The following BEST3 variants were observed in gnomAD, a reference collection of about 807,000 sequenced individuals.
BEST3 encodes bestrophin 3, also known as bestrophin-3.
BEST3 carries 50 observed loss-of-function variants against 47.1 expected under a neutral mutation model. That is an observed-to-expected ratio of 1.06 (90% CI 0.85 to 1.34). The LOEUF is 1.34. Among genes scored for constraint, BEST3 ranks in the 40% most tolerant of loss-of-function variants. The pLI, the probability that BEST3 is intolerant of heterozygous loss-of-function variation, is 0.00. For synonymous variants in BEST3, 282 were observed against 298.8 expected (o/e 0.94, Z 0.58); for missense variants, 765 against 817.0 (o/e 0.94, Z 0.78).
chr12:69,646,945 A>G (rs563530626), intron 9 of BEST3, among the ~76,000 whole-genome samples: 17 of 152,310 alleles, frequency 1.1e-4, no homozygotes, highest in African/African-American at 4.1e-4. Flanking sequence ...GGAATAAAAA[A>G]AAAGATGAGA....
At chr12:69,671,059 C>T (rs1884537888) in intron 9 of BEST3, among the ~76,000 whole-genome samples, 1 of 152,148 alleles carries the variant, frequency 6.6e-6, no homozygotes, top group East Asian at 1.9e-4. Flanking sequence ...GACTTACATA[C>T]TAAGCCTAGG....
Position 69,654,744 on chromosome 12 carries a change from A to G in BEST3, c.*163T>C. The G allele has an allele frequency of 7.4e-7, 1 of 1,353,506 alleles. No homozygotes were observed. Among genetic ancestry groups the G allele is most frequent in the Non-Finnish European group, 9.5e-7 (1 of 1,053,002 alleles). 83.8% of individuals were successfully genotyped at this position (1,353,506 alleles called of 1,614,324 possible). On this transcript the variant is annotated 3_prime_UTR_variant, in exon 10 of 10. Coordinates refer to ENST00000330891, the MANE Select transcript of BEST3 (RefSeq NM_032735.3). ...TGCGTTTGATTTTTCGCAGCTCTCA[A>G]AAAGTCAGGATCATAATGCCCTTCA... is the stretch of plus-strand genomic sequence containing the variant.
chr12:69,681,699 C>T (rs1885261279), intron 4 of BEST3, among the ~76,000 whole-genome samples: 1 of 152,108 alleles, frequency 6.6e-6, no homozygotes, highest in African/African-American at 2.4e-5. Flanking sequence ...GGCCTGGACC[C>T]CGACCCTGAC....
intron 9 of BEST3, among the ~76,000 whole-genome samples, chr12:69,668,104 ATG>A (rs1223683936): frequency 6.6e-6 from 1 of 152,178 alleles, no homozygotes; most frequent in Non-Finnish European, 1.5e-5. Flanking sequence ...GCGCTGTTGA[ATG>A]TGCTGGCTGG....
At chr12:69,696,442 G>A (rs527920271) in intron 2 of BEST3, among the ~76,000 whole-genome samples, 9 of 152,182 alleles carry the variant, frequency 5.9e-5, no homozygotes, top group East Asian at 3.9e-4. Context: ...TAATTATCAC[G>A]AAACACCATT....
rs753563227 is a variant in BEST3 at position 69,677,062 on chromosome 12, T to C, written c.721A>G (p.Thr241Ala). ...GIPLVYTQVV[T>A]LAVYTFFFAC... Reference sequence around the variant, plus strand: ...AAGAAGAAGGTATAGACAGCAAGAGTGACAACCTGGAACAGAGAGAGACCA... The same window carrying C: ...AAGAAGAAGGTATAGACAGCAAGAGCGACAACCTGGAACAGAGAGAGACCA... Residue 241 changes from threonine (T) to alanine (A), a missense_variant, in exon 7 of 10, where the codon ACT becomes GCT. Thr to Ala is a moderately conservative substitution (Grantham distance 58). Transcript: ENST00000330891. 1.9e-6 allele frequency: 3 copies of C among 1,613,900 alleles called. No individual in the cohort carries two copies. The East Asian group carries it at 6.7e-5, about 36-fold the overall frequency.
At chr12:69,688,281 G>A (rs1415698043) in intron 4 of BEST3, among the ~76,000 whole-genome samples, 1 of 152,178 alleles carries the variant, frequency 6.6e-6, no homozygotes, top group Non-Finnish European at 1.5e-5. Flanking sequence ...TGGAATGACT[G>A]GAATTTTCCA....
At chr12:69,690,395 C>G (rs1424412228) in intron 4 of BEST3, among the ~76,000 whole-genome samples, 1 of 152,204 alleles carries the variant, frequency 6.6e-6, no homozygotes, top group Non-Finnish European at 1.5e-5. Flanking sequence ...GAAAAATACA[C>G]TCAAAGGAAA....
chr12:69,655,852 CG>C (rs1593133172), intron 9 of BEST3, 39 bp from the exon 10 acceptor site: 3 of 1,548,514 alleles, frequency 1.9e-6, no homozygotes, highest in African/African-American at 1.4e-5. Context: ...AGAGTAGCTT[CG>C]GGGGCCTAGC....
In BEST3 at chr12:69,677,219, G is replaced by A. The variant is rs768412741; in HGVS notation, c.675C>T (p.Phe225=). ...NRYRSWCSLL[F]GYDWVGIPLV... ...GCGGAATCCCAACCCAGTCATAACC[G>A]AATAAGAGGCTGCACCAAGAGCGGT... The change falls in exon 6 of 10, where the codon TTC becomes TTT. Residue 225 remains phenylalanine (F), a synonymous_variant. Coordinates refer to ENST00000330891, the MANE Select transcript of BEST3 (RefSeq NM_032735.3). The A allele has an allele frequency of 1.1e-5, 18 of 1,613,380 alleles. No homozygotes were observed. The highest frequency in any genetic ancestry group is 1.6e-4 in the Middle Eastern group (1 of 6,084).
At chr12:69,643,623 G>A (rs1882942530) in exon 10 of BEST3, 2 of 590,090 alleles carry the variant, frequency 3.4e-6, no homozygotes, top group African/African-American at 3.8e-5. Flanking sequence ...TTTCAGTTGA[G>A]CAGCAGATGA....
intron 9 of BEST3, among the ~76,000 whole-genome samples, chr12:69,644,653 TA>T (rs966527325): frequency 1.3e-5 from 2 of 152,218 alleles, no homozygotes; most frequent in African/African-American, 4.8e-5. Context: ...AATTTTTGGC[TA>T]GCTTATTTGA....
downstream of BEST3, among the ~76,000 whole-genome samples, chr12:69,653,327 T>C (rs1883274811): frequency 6.6e-6 from 1 of 152,166 alleles, no homozygotes; most frequent in Non-Finnish European, 1.5e-5. Flanking sequence ...TGGGCATGCC[T>C]CCCTTGGGGC....
chr12:69,650,242 T>C (rs375241378), downstream of BEST3, among the ~76,000 whole-genome samples: 9 of 152,310 alleles, frequency 5.9e-5, no homozygotes, highest in East Asian at 1.5e-3. Context: ...TCTCAAGCTT[T>C]GCCAGTGAAT....
chr12:69,691,643 T>C (rs1029247352), intron 4 of BEST3, among the ~76,000 whole-genome samples: 1 of 151,984 alleles, frequency 6.6e-6, no homozygotes, highest in African/African-American at 2.4e-5. Context: ...ATACAAAAAA[T>C]TAGCCAGGCG....
chr12:69,671,380 T>C, intron 9 of BEST3, 48 bp downstream of exon 9: 1 of 1,536,092 alleles, frequency 6.5e-7, no homozygotes, highest in South Asian at 1.2e-5. Flanking sequence ...GGTCTCACTA[T>C]GTTGCTCAGG....
At chr12:69,693,999 G>T in intron 3 of BEST3, 92 bp from the exon 4 acceptor site, 2 of 926,768 alleles carry the variant, frequency 2.2e-6, no homozygotes, top group Non-Finnish European at 3.2e-6. Context: ...CTTTTTAGAG[G>T]TTGGAGGACA....
intron 4 of BEST3, among the ~76,000 whole-genome samples, chr12:69,687,039 C>T (rs747555253): frequency 3.3e-5 from 5 of 152,188 alleles, no homozygotes; most frequent in African/African-American, 1.2e-4. Context: ...GGCCTTTCAA[C>T]CCAGTTCACT....
intron 9 of BEST3, among the ~76,000 whole-genome samples, chr12:69,664,215 C>T (rs1884044392): frequency 6.6e-6 from 1 of 152,152 alleles, no homozygotes; most frequent in Non-Finnish European, 1.5e-5. Context: ...GGTGTTAAAG[C>T]TTATAAAATG....
Sources: gnomAD v4.1 joint callset for allele counts (sites outside exome capture counted in the v4.1 genomes callset) on GRCh38, gnomAD v4.1.1 for gene constraint, MANE v1.5 for transcripts, NCBI Gene and HGNC (gene_info 2026-07-23, HGNC 2026-07-21) for gene names.